Variants in DENND5B observed in about 807,000 individuals in gnomAD.
DENND5B encodes DENN domain containing 5B, also known as DENN domain-containing protein 5B.
DENND5B carries 34 observed loss-of-function variants against 140.6 expected under a neutral mutation model. The observed-to-expected ratio is 0.24, with a 90% CI of 0.18 to 0.32. The LOEUF is 0.32. DENND5B is among the 10% of genes least tolerant of loss of function. DENND5B has a pLI of 1.00. For synonymous variants in DENND5B, 551 were observed against 562.1 expected (o/e 0.98, Z 0.28); for missense variants, 1,142 against 1,560.2 (o/e 0.73, Z 4.52).
At chr12:31,446,054 A>C (rs1157202577) in intron 6 of DENND5B, among the ~76,000 whole-genome samples, 1 of 152,094 alleles carries the variant, frequency 6.6e-6, no homozygotes, top group Non-Finnish European at 1.5e-5. Flanking sequence ...GATGACTGAC[A>C]TAGTAAATAC....
chr12:31,399,439 C>T (rs1249409384), intron 16 of DENND5B, among the ~76,000 whole-genome samples: 3 of 151,646 alleles, frequency 2.0e-5, no homozygotes, highest in Non-Finnish European at 4.4e-5. Flanking sequence ...CCACCATGCC[C>T]TGCTAATTTT....
intron 1 of DENND5B, among the ~76,000 whole-genome samples, chr12:31,527,069 A>G (rs1007946275): frequency 1.3e-5 from 2 of 152,192 alleles, no homozygotes; most frequent in African/African-American, 2.4e-5. Context: ...AACAATAAAC[A>G]TAATAAATAA....
chr12:31,539,529 A>G (rs560545479), intron 1 of DENND5B, among the ~76,000 whole-genome samples: 10 of 152,354 alleles, frequency 6.6e-5, no homozygotes, highest in African/African-American at 2.4e-4. Flanking sequence ...ATCATTCATC[A>G]TGACTAAATA....
At chr12:31,446,022 A>G (rs1944261333) in intron 6 of DENND5B, among the ~76,000 whole-genome samples, 1 of 152,058 alleles carries the variant, frequency 6.6e-6, no homozygotes, top group South Asian at 2.1e-4. Flanking sequence ...GAAAAAAAAA[A>G]AAATTCGTGA....
At chr12:31,489,057 T>TC (rs1946416552) in intron 2 of DENND5B, among the ~76,000 whole-genome samples, 1 of 152,216 alleles carries the variant, frequency 6.6e-6, no homozygotes, top group Admixed American at 6.5e-5. Flanking sequence ...TTCTATGACT[T>TC]CCATGGCCTC....
intron 1 of DENND5B, among the ~76,000 whole-genome samples, chr12:31,510,946 C>T (rs1947387525): frequency 6.6e-6 from 1 of 152,120 alleles, no homozygotes; most frequent in Non-Finnish European, 1.5e-5. Flanking sequence ...GAATTCTACT[C>T]AGGGCTGGGT....
Position 31,423,616 on chromosome 12 carries a change from CTCT to C in DENND5B, c.2448_2450del (p.Glu817del). The C allele has an allele frequency of 6.2e-7, 1 of 1,613,928 alleles. No individual in the cohort carries two copies. The highest frequency in any genetic ancestry group is 8.5e-7 in the Non-Finnish European group (1 of 1,179,860). ...TCATACCTGGTGATTCTGCAAGGTG[CTCT>C]TGTTTCTCTTCTCTGTCCTGAAATT... On this transcript the variant is annotated inframe_deletion, in exon 11 of 21. Coordinates refer to ENST00000389082, the MANE Select transcript of DENND5B (RefSeq NM_144973.4).
Position 31,479,886 on chromosome 12 carries a change from C to A in DENND5B, c.607G>T (p.Ala203Ser). The part of the protein sequence containing the change: ...CLITPLPFMQ[A>S]CKKFLIQLYK... ...AGCTGGATAAGGAATTTCTTGCAGG[C>A]CTGCATGAATGGTAACGGTGTGATC... Residue 203 changes from alanine to serine, a missense_variant, in exon 3 of 21, where the codon GCC becomes TCC. Physicochemically the swap from Ala to Ser is moderately conservative, Grantham distance 99. Coordinates refer to ENST00000389082, the MANE Select transcript of DENND5B (RefSeq NM_144973.4). 2 of 1,613,904 alleles carry A rather than the reference C, an allele frequency of 1.2e-6. No individual in the cohort carries two copies. The highest frequency in any genetic ancestry group is 3.3e-5 in the Admixed American group (2 of 60,014).
intron 11 of DENND5B, 67 bp downstream of exon 11, chr12:31,423,530 C>G: frequency 6.6e-7 from 1 of 1,524,498 alleles, no homozygotes; most frequent in Non-Finnish European, 9.0e-7. Context: ...GAGATCAAGA[C>G]AAGGCCAAAT....
chr12:31,480,336 T>C, intron 2 of DENND5B, 81 bp from the exon 3 acceptor site: 1 of 1,315,514 alleles, frequency 7.6e-7, no homozygotes, highest in Non-Finnish European at 1.0e-6. Flanking sequence ...TTTTTTAACA[T>C]AACAGGATTC....
chr12:31,554,665 T>G (rs1185047416), intron 1 of DENND5B, among the ~76,000 whole-genome samples: 1 of 152,226 alleles, frequency 6.6e-6, no homozygotes, highest in East Asian at 1.9e-4. Flanking sequence ...TCCAACTTGG[T>G]TCCATTCTCC....
intron 2 of DENND5B, among the ~76,000 whole-genome samples, chr12:31,488,122 T>C (rs1485851085): frequency 1.5e-5 from 2 of 130,388 alleles, no homozygotes; most frequent in Admixed American, 9.6e-5. Context: ...TAGGCGTGCA[T>C]ACCCGGCTAT....
intron 5 of DENND5B, among the ~76,000 whole-genome samples, chr12:31,451,045 T>A (rs1179204151): frequency 3.9e-5 from 6 of 152,182 alleles, no homozygotes; most frequent in Admixed American, 3.3e-4. Flanking sequence ...AAAACTTAAT[T>A]TAGTCACTCT....
intron 6 of DENND5B, 141 bp from the exon 7 acceptor site, chr12:31,443,066 A>G (rs1344640594): frequency 1.9e-5 from 8 of 420,756 alleles, no homozygotes; most frequent in Non-Finnish European, 3.1e-5. Flanking sequence ...GTGTGTGTGC[A>G]CGCACGCACG....
chr12:31,455,977 C>A (rs1565596466), intron 4 of DENND5B, among the ~76,000 whole-genome samples: 1 of 152,000 alleles, frequency 6.6e-6, no homozygotes, highest in Non-Finnish European at 1.5e-5. Flanking sequence ...CAAGATCATG[C>A]CACTGCACTC....
chr12:31,589,516 T>C (rs1435374947), intron 1 of DENND5B, among the ~76,000 whole-genome samples: 1 of 152,316 alleles, frequency 6.6e-6, no homozygotes, highest in East Asian at 1.9e-4. Flanking sequence ...AGCCAAGACG[T>C]GGGTTGATGG....
intron 1 of DENND5B, among the ~76,000 whole-genome samples, chr12:31,525,518 G>C (rs187482858): frequency 6.6e-6 from 1 of 152,272 alleles, no homozygotes; most frequent in Admixed American, 6.5e-5. Flanking sequence ...GCTGAGTGAA[G>C]GGGAGAATGG....
At chr12:31,405,793 AC>A (rs1942097880) in intron 14 of DENND5B, among the ~76,000 whole-genome samples, 1 of 150,132 alleles carries the variant, frequency 6.7e-6, no homozygotes. Flanking sequence ...TGATTCACCC[AC>A]CAAGGCCTCC....
chr12:31,460,862 A>T (rs997053270), intron 3 of DENND5B, among the ~76,000 whole-genome samples: 3 of 151,906 alleles, frequency 2.0e-5, no homozygotes, highest in Admixed American at 6.6e-5. Context: ...AGTAGCTGAG[A>T]TTACAGGCGC....
Sources: gnomAD v4.1 joint callset for allele counts (sites outside exome capture counted in the v4.1 genomes callset) on GRCh38, gnomAD v4.1.1 for gene constraint, MANE v1.5 for transcripts, NCBI Gene and HGNC (gene_info 2026-07-23, HGNC 2026-07-21) for gene names.